The following KIAA1210 variants were observed in gnomAD, a reference collection of about 807,000 sequenced individuals.
The protein encoded by KIAA1210 is KIAA1210.
In KIAA1210, 48 loss-of-function variants were observed where a neutral mutation model predicts 78.9. The ratio of observed to expected loss-of-function variants is 0.61; its 90% confidence interval spans 0.48 to 0.77. The LOEUF (loss-of-function observed/expected upper bound fraction) is 0.77. Among genes scored for constraint, KIAA1210 ranks in the 30% least tolerant of loss-of-function variants. KIAA1210 has a pLI of 0.00. For synonymous variants in KIAA1210, 406 were observed against 404.5 expected (o/e 1.00, Z -0.04); for missense variants, 1,108 against 1,100.0 (o/e 1.01, Z -0.10).
intron 5 of KIAA1210, among the ~76,000 whole-genome samples, chrX:119,105,610 G>A (rs1347469647): frequency 8.9e-6 from 1 of 111,836 alleles, no homozygotes; most frequent in East Asian, 2.8e-4. Flanking sequence ...TATTATTCAA[G>A]GAATTATTTG....
At chrX:119,092,533 GGGCA>G in intron 8 of KIAA1210, among the ~76,000 whole-genome samples, 1 of 111,501 alleles carries the variant, frequency 9.0e-6, no homozygotes, top group Non-Finnish European at 1.9e-5. Flanking sequence ...AGGCCAAGGT[GGGCA>G]GATCACAAGG....
In KIAA1210 at chrX:119,088,715, G is replaced by T; in HGVS notation, c.1987C>A (p.Gln663Lys). 8.3e-7 allele frequency: 1 copy of T among 1,210,559 alleles called. No homozygotes were observed. ...GCATCTTCAGGCTCCTCTAAAGCCT[G>T]GGAGAGGCATCTGAGGTCCAGCTCC... Reference protein sequence around the residue: ...EEELDLRCLSQALEEPEDAEV... With the variant: ...EEELDLRCLSKALEEPEDAEV... Residue 663 changes from glutamine (Q) to lysine (K), a missense_variant, in exon 9 of 12, where the codon CAG (glutamine) becomes AAG (lysine). Physicochemically the swap from Gln to Lys is moderately conservative, Grantham distance 53 (BLOSUM62 1). Transcript: ENST00000691062.
intron 2 of KIAA1210, among the ~76,000 whole-genome samples, chrX:119,138,372 C>T (rs1378132391): frequency 9.1e-6 from 1 of 109,774 alleles, no homozygotes; most frequent in Non-Finnish European, 1.9e-5. Flanking sequence ...GTGACCACCA[C>T]CATGCCCGGC....
At position 119,089,588 on chromosome X, in the gene KIAA1210, T is replaced by C. The variant is rs749648396; in HGVS notation, c.1114A>G (p.Ser372Gly). ...CTTCTTCCTTTGAATTCACACCCAC[T>C]CAATCCTGAAACACTTGCTCCTTTT... ...RRKGASVSGL[S>G]GCEFKGRSLK... Residue 372 changes from serine to glycine, a missense_variant, in exon 9 of 12, where the codon AGT becomes GGT. Transcript: ENST00000691062. The C allele has an allele frequency of 1.7e-6, 2 of 1,211,704 alleles. No individual in the cohort carries two copies. Among genetic ancestry groups the C allele is most frequent in the South Asian group, 3.5e-5 (2 of 56,953 alleles).
At chrX:119,141,444 T>C (rs1929048883) in intron 2 of KIAA1210, among the ~76,000 whole-genome samples, 1 of 112,512 alleles carries the variant, frequency 8.9e-6, no homozygotes, top group South Asian at 3.7e-4. Flanking sequence ...GGTCCATATC[T>C]CTTCTTTTCC....
chrX:119,092,387 G>C (rs1229737500), intron 8 of KIAA1210, among the ~76,000 whole-genome samples: 1 of 111,983 alleles, frequency 8.9e-6, no homozygotes, highest in Non-Finnish European at 1.9e-5. Flanking sequence ...TCCATGATAT[G>C]GAAAATCAAC....
At chrX:119,137,100 C>T (rs992502806) in intron 2 of KIAA1210, among the ~76,000 whole-genome samples, 2 of 112,600 alleles carry the variant, frequency 1.8e-5, no homozygotes, top group African/African-American at 6.4e-5. Flanking sequence ...AAAATAAAAT[C>T]GTTAACATTT....
intron 6 of KIAA1210, among the ~76,000 whole-genome samples, chrX:119,103,949 C>A (rs907605343): frequency 9.0e-6 from 1 of 111,668 alleles, no homozygotes; most frequent in East Asian, 2.8e-4. Context: ...ATGGGAGATA[C>A]GAATGGTGAA....
At chrX:119,112,659 T>C (rs748578295) in intron 3 of KIAA1210, among the ~76,000 whole-genome samples, 1 of 111,197 alleles carries the variant, frequency 9.0e-6, no homozygotes, top group African/African-American at 3.3e-5. Flanking sequence ...GAATGAAAAA[T>C]TCAATTCAGA....
rs1455945759 is a variant in KIAA1210 at position 119,088,171 on chromosome X, C to A, written c.2531G>T (p.Arg844Ile). 8.3e-7 allele frequency: 1 copy of A among 1,211,439 alleles called. No homozygotes were observed. The highest frequency in any genetic ancestry group is 1.1e-6 in the Non-Finnish European group (1 of 895,284). Residue 844 changes from arginine (R) to isoleucine (I), a missense_variant, in exon 9 of 12, where the codon AGA becomes ATA. Transcript: ENST00000691062. ...ATCTGTCAAGGACTGAGGAGAATATCTGGGGAGTAGTGGCTCCACAGAAAT... is the reference window on the plus strand; with the variant it reads ...ATCTGTCAAGGACTGAGGAGAATATATGGGGAGTAGTGGCTCCACAGAAAT... ...RVISVEPLLP[R>I]YSPQSLTDPQ...
In KIAA1210 at chrX:119,092,423, G is replaced by A. The variant is rs143915190; in HGVS notation, c.955+1244C>T. The stretch of plus-strand genomic sequence containing the variant: ...TAAAGTATCTGCCACCATGGATACT[G>A]ACTCAGTTCTATCCTCTGTGTGTAA... On this transcript the variant is annotated intron_variant, in intron 8 of 11. Coordinates refer to ENST00000691062, the MANE Select transcript of KIAA1210 (RefSeq NM_001394962.1). Among the ~76,000 whole-genome samples, 598 of 111,943 alleles carry A rather than the reference G, an allele frequency of 5.3e-3. 4 individuals carry two copies. The highest frequency in any genetic ancestry group is 0.018 in the African/African-American group (553 of 30,783).
At chrX:119,119,281 A>G in intron 2 of KIAA1210, among the ~76,000 whole-genome samples, 1 of 112,362 alleles carries the variant, frequency 8.9e-6, no homozygotes, top group Middle Eastern at 4.6e-3. Flanking sequence ...TACAATATGC[A>G]TAATTGGAGG....
In KIAA1210 at chrX:119,107,788, G is replaced by A. The variant is rs1194184792; in HGVS notation, c.492+549C>T. Among the ~76,000 whole-genome samples, 3 of 111,732 alleles carry A rather than the reference G, an allele frequency of 2.7e-5. No individual in the cohort carries two copies. The East Asian group carries it at 8.4e-4, about 31-fold the overall frequency. Reference sequence around the variant, plus strand: ...CTTCCCACTTACACAGGGACCTTTGGGCATAATTCCACCCACAGGCTGAGA... The same window carrying A: ...CTTCCCACTTACACAGGGACCTTTGAGCATAATTCCACCCACAGGCTGAGA... On this transcript the variant is annotated intron_variant, in intron 5 of 11. Coordinates refer to ENST00000691062, the MANE Select transcript of KIAA1210 (RefSeq NM_001394962.1).
intron 8 of KIAA1210, among the ~76,000 whole-genome samples, chrX:119,092,717 T>C (rs149316078): frequency 0.014 from 1,544 of 108,610 alleles, 34 homozygotes; most frequent in African/African-American, 0.049. Context: ...GCCGAGATCA[T>C]GCCACTGCAC....
intron 2 of KIAA1210, among the ~76,000 whole-genome samples, chrX:119,122,060 C>CT (rs1928481308): frequency 9.1e-5 from 2 of 21,953 alleles, no homozygotes; most frequent in Non-Finnish European, 9.7e-5. Context: ...GCGCGCCCGG[C>CT]ATTTTTTTTT....
chrX:119,081,449 T>C lies in KIAA1210; in HGVS notation c.4482A>G (p.Lys1494=). 2 of 1,209,232 alleles carry C rather than the reference T, an allele frequency of 1.7e-6. No individual in the cohort carries two copies. Among genetic ancestry groups the C allele is most frequent in the Non-Finnish European group, 2.2e-6 (2 of 894,482 alleles). The change falls in exon 12 of 12, where the codon AAA becomes AAG. Residue 1494 remains lysine, a synonymous_variant. Coordinates refer to ENST00000691062, the MANE Select transcript of KIAA1210 (RefSeq NM_001394962.1). ...ACTTGGCTGGGAGAGTTGAAGATCGTTTGGTTTCTTTTTCCATGGCAGGAA... is the reference window on the plus strand; with the variant it reads ...ACTTGGCTGGGAGAGTTGAAGATCGCTTGGTTTCTTTTTCCATGGCAGGAA... ...LQVPAMEKET[K]RSSTLPAKFQ...
At chrX:119,094,277 G>T (rs1927486309) in intron 7 of KIAA1210, among the ~76,000 whole-genome samples, 1 of 112,161 alleles carries the variant, frequency 8.9e-6, no homozygotes, top group African/African-American at 3.2e-5. Context: ...TTGGGGTTTT[G>T]TTGGGAGGGA....
intron 3 of KIAA1210, among the ~76,000 whole-genome samples, chrX:119,110,781 G>A (rs1455856384): frequency 9.0e-6 from 1 of 111,701 alleles, no homozygotes; most frequent in Non-Finnish European, 1.9e-5. Flanking sequence ...AGACACTGAT[G>A]AGAAAAAATG....
chrX:119,092,168 G>A (rs770318992), intron 8 of KIAA1210, among the ~76,000 whole-genome samples: 1 of 111,751 alleles, frequency 8.9e-6, no homozygotes, highest in South Asian at 3.8e-4. Context: ...GAATTGCATT[G>A]GTCCACAGGC....
Sources: gnomAD v4.1 joint callset for allele counts (sites outside exome capture counted in the v4.1 genomes callset) on GRCh38, gnomAD v4.1.1 for gene constraint, MANE v1.5 for transcripts, NCBI Gene and HGNC (gene_info 2026-07-23, HGNC 2026-07-21) for gene names.